Variants in SNTG2 observed in about 807,000 individuals in gnomAD.
The protein encoded by SNTG2 is syntrophin gamma 2.
Under a neutral mutation model 70.9 loss-of-function variants are expected in SNTG2, and 74 were observed. The ratio of observed to expected loss-of-function variants is 1.04; its 90% CI spans 0.86 to 1.27. The LOEUF (loss-of-function observed/expected upper bound fraction) is 1.27. Ranked by LOEUF, SNTG2 falls within the 50% of genes most tolerant of loss-of-function variation. SNTG2 has a pLI of 0.00. For missense variants in SNTG2, 717 were observed against 690.7 expected (o/e 1.04, Z -0.43); for synonymous variants, 278 against 273.8 (o/e 1.02, Z -0.15).
At chr2:1,201,748 A>T (rs529631224) in intron 8 of SNTG2, among the ~76,000 whole-genome samples, 71 of 152,106 alleles carry the variant, frequency 4.7e-4, no homozygotes, top group Admixed American at 1.1e-3. Context: ...TGAAAATACT[A>T]TGTGTTAATA....
At chr2:1,155,074 C>T (rs946048328) in intron 6 of SNTG2, among the ~76,000 whole-genome samples, 1 of 150,464 alleles carries the variant, frequency 6.6e-6, no homozygotes, top group East Asian at 2.0e-4. Flanking sequence ...ACCACACACA[C>T]AGCACACACA....
intron 1 of SNTG2, among the ~76,000 whole-genome samples, chr2:1,077,342 T>C (rs1663985696): frequency 6.6e-6 from 1 of 152,246 alleles, no homozygotes; most frequent in South Asian, 2.1e-4. Flanking sequence ...GCGGTGTTGC[T>C]ATTCCTTTTA....
intron 8 of SNTG2, among the ~76,000 whole-genome samples, chr2:1,184,312 A>G (rs1373118420): frequency 1.3e-5 from 2 of 152,210 alleles, no homozygotes; most frequent in East Asian, 1.9e-4. Flanking sequence ...AACACATTTT[A>G]TCAAACACAT....
chr2:1,330,545 G>T (rs540613103), intron 16 of SNTG2, among the ~76,000 whole-genome samples: 2 of 152,272 alleles, frequency 1.3e-5, no homozygotes, highest in African/African-American at 4.8e-5. Context: ...GTCTTGAGAA[G>T]TTAAAGGAAA....
intron 1 of SNTG2, among the ~76,000 whole-genome samples, chr2:964,765 G>A (rs1337410281): frequency 2.0e-5 from 3 of 152,282 alleles, no homozygotes; most frequent in South Asian, 2.1e-4. Flanking sequence ...AGCGGGTCCC[G>A]CCCTGTGCCA....
intron 8 of SNTG2, among the ~76,000 whole-genome samples, chr2:1,192,024 A>G (rs1369161944): frequency 6.6e-6 from 1 of 152,178 alleles, no homozygotes. Context: ...GGCAGAAGAC[A>G]GTAAATTGTT....
chr2:1,052,611 CT>C (rs1458639739), intron 1 of SNTG2, among the ~76,000 whole-genome samples: 6 of 152,224 alleles, frequency 3.9e-5, no homozygotes, highest in African/African-American at 1.2e-4. Context: ...TCTTGCTTTG[CT>C]TTTGGAAACT....
intron 1 of SNTG2, among the ~76,000 whole-genome samples, chr2:1,002,161 C>G (rs7598827): frequency 1.3e-5 from 2 of 151,336 alleles, no homozygotes; most frequent in Admixed American, 6.6e-5. Context: ...ATAAAAAAAC[C>G]AGAAGAAAAT....
chr2:1,156,661 A>G (rs1311439516), intron 6 of SNTG2, among the ~76,000 whole-genome samples: 1 of 152,180 alleles, frequency 6.6e-6, no homozygotes, highest in Non-Finnish European at 1.5e-5. Flanking sequence ...AGTGACCATG[A>G]CAGGTGAGGG....
At chr2:1,063,195 G>A (rs963324030) in intron 1 of SNTG2, among the ~76,000 whole-genome samples, 2 of 152,018 alleles carry the variant, frequency 1.3e-5, no homozygotes, top group South Asian at 2.1e-4. Flanking sequence ...TTTAAAATTC[G>A]TAAAGTATAA....
At chr2:964,012 G>C (rs563444721) in intron 1 of SNTG2, among the ~76,000 whole-genome samples, 1 of 152,102 alleles carries the variant, frequency 6.6e-6, no homozygotes, top group African/African-American at 2.4e-5. Context: ...TAGTCTCAAG[G>C]CTCAGCGATC....
rs562647728 is a variant in SNTG2, at chr2:1,061,120, A to G, written c.73-22398A>G. ...AAAAAGAGTCAAGATCAAGAAAGGT[A>G]AACAAAGGGTGAAAAGGTAAGAGAC... is the stretch of plus-strand genomic sequence containing the variant. On this transcript the variant is annotated intron_variant, in intron 1 of 16. Transcript: ENST00000308624. Among the ~76,000 whole-genome samples the G allele has an allele frequency of 3.9e-5, 6 of 152,336 alleles. No individual in the cohort carries two copies. In the East Asian group the frequency reaches 1.2e-3, roughly 29 times the overall value.
chr2:1,098,337 TG>T lies in SNTG2; in HGVS notation c.268-14del. The T allele has an allele frequency of 6.2e-7, 1 of 1,614,008 alleles. No individual in the cohort carries two copies. Among genetic ancestry groups the T allele is most frequent in the Non-Finnish European group, 8.5e-7 (1 of 1,179,866 alleles). On this transcript the variant is annotated splice_polypyrimidine_tract_variant and intron_variant, in intron 3 of 16. Coordinates refer to ENST00000308624, the MANE Select transcript of SNTG2 (RefSeq NM_018968.4). Reference sequence around the variant, plus strand: ...TCATGATAACCACGTTTCTTTCTGATGGCTTTGTCTTTCAGGGAGGTTCTGA... The same window carrying T: ...TCATGATAACCACGTTTCTTTCTGATGCTTTGTCTTTCAGGGAGGTTCTGA...
intron 9 of SNTG2, among the ~76,000 whole-genome samples, chr2:1,222,099 C>A (rs1181033340): frequency 6.8e-5 from 1 of 14,604 alleles, no homozygotes; most frequent in African/African-American, 2.7e-4. Flanking sequence ...CTCTCTGTCT[C>A]TCTCTGTCTC....
chr2:957,777 C>T (rs1225174755), intron 1 of SNTG2, among the ~76,000 whole-genome samples: 1 of 152,070 alleles, frequency 6.6e-6, no homozygotes, highest in Non-Finnish European at 1.5e-5. Flanking sequence ...CTGCAGCCAC[C>T]AGAGCTAGAG....
At chr2:1,091,046 C>G (rs1229692120) in intron 2 of SNTG2, among the ~76,000 whole-genome samples, 3 of 152,182 alleles carry the variant, frequency 2.0e-5, no homozygotes, top group Non-Finnish European at 4.4e-5. Flanking sequence ...CGTTCTGGGG[C>G]TGGGGCCCAT....
chr2:966,915 C>T (rs1660586572), intron 1 of SNTG2, among the ~76,000 whole-genome samples: 1 of 152,052 alleles, frequency 6.6e-6, no homozygotes, highest in Non-Finnish European at 1.5e-5. Context: ...CCACTGCCCT[C>T]CAGCCTGGGC....
At chr2:1,161,772 T>G (rs1670294995) in intron 6 of SNTG2, 1 of 152,200 alleles carries the variant, frequency 6.6e-6, no homozygotes, top group South Asian at 2.1e-4. Flanking sequence ...AAATCCAATC[T>G]TTAATTAAAA....
chr2:1,257,844 T>C (rs1034699760), intron 12 of SNTG2, among the ~76,000 whole-genome samples: 2 of 152,230 alleles, frequency 1.3e-5, no homozygotes, highest in Non-Finnish European at 2.9e-5. Flanking sequence ...GGGAAAATGC[T>C]GATATTACTA....
Sources: gnomAD v4.1 joint callset for allele counts (sites outside exome capture counted in the v4.1 genomes callset) on GRCh38, gnomAD v4.1.1 for gene constraint, MANE v1.5 for transcripts, NCBI Gene and HGNC (gene_info 2026-07-23, HGNC 2026-07-21) for gene names.